Variants in KALRN observed in about 807,000 individuals in gnomAD.
KALRN encodes the protein kalirin RhoGEF kinase, also known as kalirin.
KALRN carries 70 observed loss-of-function variants against 353.7 expected under a neutral mutation model. The ratio of observed to expected loss-of-function variants is 0.20; its 90% CI spans 0.16 to 0.24. The LOEUF is 0.24. KALRN is among the 10% of genes least tolerant of loss of function. The probability of loss-of-function intolerance (pLI) is 1.00; values close to 1 mark genes in which losing one functional copy is unlikely to be tolerated. For synonymous variants in KALRN, 1,391 were observed against 1,434.8 expected, an observed-to-expected ratio of 0.97 and a Z score of 0.69; for missense variants, 2,791 against 3,756.7, an observed-to-expected ratio of 0.74 and a Z score of 6.72.
chr3:124,188,704 A>T (rs892452166), intron 1 of KALRN, among the ~76,000 whole-genome samples: 1 of 152,162 alleles, frequency 6.6e-6, no homozygotes, highest in Non-Finnish European at 1.5e-5. Context: ...AAGGTCTGAG[A>T]TTTACCCTAC....
At chr3:124,128,461 G>A (rs565089072) in intron 1 of KALRN, among the ~76,000 whole-genome samples, 20 of 152,292 alleles carry the variant, frequency 1.3e-4, no homozygotes, top group Admixed American at 3.9e-4. Context: ...AAACTTTTGG[G>A]CTGAGAATGG....
Position 124,278,226 on chromosome 3 carries a change from G to A in KALRN, c.969+8971G>A, listed in dbSNP as rs202184164. Reference sequence around the variant, plus strand: ...TCTTGATACATCGTAAGGAAAAGATGGTTTAGAGAGTCACCACTCCAGTGG... The same window carrying A: ...TCTTGATACATCGTAAGGAAAAGATAGTTTAGAGAGTCACCACTCCAGTGG... On this transcript the variant is annotated intron_variant, in intron 5 of 59. Coordinates refer to ENST00000682506, the MANE Select transcript of KALRN (RefSeq NM_001388419.1). 7.3e-5 allele frequency among the ~76,000 whole-genome samples: 11 copies of A among 151,584 alleles called. No individual in the cohort carries two copies. In the East Asian group the frequency reaches 2.2e-3, roughly 30 times the overall value.
In KALRN at chr3:124,179,873, A is replaced by C. The variant is rs1018960966; in HGVS notation, c.74-48117A>C. Among the ~76,000 whole-genome samples the C allele has an allele frequency of 5.9e-5, 9 of 152,298 alleles. No homozygotes were observed. The South Asian group carries it at 1.7e-3, about 28-fold the overall frequency. On this transcript the variant is annotated intron_variant, in intron 1 of 59. Coordinates refer to ENST00000682506, the MANE Select transcript of KALRN (RefSeq NM_001388419.1). ...TAATGTATTTTATTGTACTGTACTC[A>C]CCTAGTTTCGGACCGAGGCTGGCTG...
chr3:124,408,546 T>A (rs1425006759), intron 13 of KALRN, among the ~76,000 whole-genome samples: 1 of 152,208 alleles, frequency 6.6e-6, no homozygotes, highest in African/African-American at 2.4e-5. Context: ...CTTAACACAT[T>A]GCCTGCCCCA....
chr3:124,558,791 C>G (rs554289714), intron 33 of KALRN, among the ~76,000 whole-genome samples: 1 of 152,210 alleles, frequency 6.6e-6, no homozygotes, highest in Non-Finnish European at 1.5e-5. Context: ...ATGCCCTAAA[C>G]GAGGCTATGC....
chr3:124,278,458 G>GGTGTGTGTGTGTGTGTGT (rs55855993), intron 5 of KALRN, among the ~76,000 whole-genome samples: 24 of 145,502 alleles, frequency 1.6e-4, no homozygotes, highest in Admixed American at 7.5e-4. Flanking sequence ...GGACACTTCA[G>GGTGTGTGTGTGTGTGTGT]GTGTGTGTGT....
intron 28 of KALRN, among the ~76,000 whole-genome samples, chr3:124,484,983 C>G (rs1167146769): frequency 6.6e-6 from 1 of 152,122 alleles, no homozygotes; most frequent in Non-Finnish European, 1.5e-5. Flanking sequence ...GTAATCCCAG[C>G]TACTCAGGAG....
intron 56 of KALRN, 95 bp downstream of exon 56, chr3:124,700,128 C>A: frequency 1.6e-6 from 2 of 1,218,106 alleles, no homozygotes; most frequent in Non-Finnish European, 2.4e-6. Context: ...TGTCAGGCCA[C>A]CATGCAAGAG....
intron 32 of KALRN, among the ~76,000 whole-genome samples, chr3:124,494,787 C>T (rs1165222696): frequency 2.0e-5 from 3 of 152,142 alleles, no homozygotes; most frequent in African/African-American, 4.8e-5. Flanking sequence ...TCATTTAGAC[C>T]CTTTGAGGTG....
chr3:124,341,634 C>T (rs1355830583), intron 9 of KALRN, among the ~76,000 whole-genome samples: 2 of 151,766 alleles, frequency 1.3e-5, no homozygotes, highest in Non-Finnish European at 2.9e-5. Context: ...GATGTTCACT[C>T]CAAAGTTCTG....
chr3:124,340,617 C>G (rs950611506), intron 9 of KALRN, among the ~76,000 whole-genome samples: 1 of 152,164 alleles, frequency 6.6e-6, no homozygotes, highest in East Asian at 1.9e-4. Flanking sequence ...CAGATGCGTT[C>G]ATGGCCACTA....
intron 34 of KALRN, among the ~76,000 whole-genome samples, chr3:124,620,369 G>C (rs1328140396): frequency 6.6e-6 from 1 of 152,144 alleles, no homozygotes; most frequent in Non-Finnish European, 1.5e-5. Flanking sequence ...CTTCTAAAGT[G>C]CTGGGATTAT....
chr3:124,152,567 CTTTT>C, intron 1 of KALRN: 1 of 620,634 alleles, frequency 1.6e-6, no homozygotes, highest in Non-Finnish European at 2.8e-6. Flanking sequence ...CTTTTCTTTT[CTTTT>C]CTTTTCTTTC....
chr3:124,288,945 C>T (rs899252898), intron 5 of KALRN, among the ~76,000 whole-genome samples: 3 of 152,174 alleles, frequency 2.0e-5, no homozygotes, highest in African/African-American at 4.8e-5. Flanking sequence ...TCCATAGATA[C>T]TGTCTTAGTT....
At chr3:124,613,963 G>A (rs2078271044) in intron 34 of KALRN, among the ~76,000 whole-genome samples, 1 of 152,114 alleles carries the variant, frequency 6.6e-6, no homozygotes, top group Non-Finnish European at 1.5e-5. Context: ...AGCCAGCCTG[G>A]ATTTATGTCT....
chr3:124,470,765 C>T (rs976106221), intron 25 of KALRN, among the ~76,000 whole-genome samples: 4 of 146,710 alleles, frequency 2.7e-5, no homozygotes, highest in African/African-American at 9.7e-5. Context: ...CTAGAGTTTT[C>T]CAAGAGTGTT....
intron 1 of KALRN, among the ~76,000 whole-genome samples, chr3:124,225,350 T>C (rs1425531629): frequency 3.9e-5 from 6 of 152,196 alleles, no homozygotes; most frequent in Non-Finnish European, 8.8e-5. Flanking sequence ...AGCAAATCCT[T>C]TTATAATGTG....
rs555167548 is a variant in KALRN at position 124,173,846 on chromosome 3, C to T, written c.74-54144C>T. 7.9e-5 allele frequency among the ~76,000 whole-genome samples: 12 copies of T among 152,066 alleles called. No homozygotes were observed. In the South Asian group the frequency reaches 2.3e-3, roughly 29 times the overall value. ...GGCCGGGATGGTCTCGAGCTCCTGA[C>T]CTCGTGATCCGCCCACCTCGGCCTC... On this transcript the variant is annotated intron_variant, in intron 1 of 59. Transcript: ENST00000682506.
chr3:124,695,289 G>A (rs1180490585), intron 53 of KALRN, among the ~76,000 whole-genome samples: 1 of 152,182 alleles, frequency 6.6e-6, no homozygotes, highest in East Asian at 1.9e-4. Flanking sequence ...GCTTACAGTG[G>A]ACAAGTGGTA....
Sources: gnomAD v4.1 joint callset for allele counts (sites outside exome capture counted in the v4.1 genomes callset) on GRCh38, gnomAD v4.1.1 for gene constraint, MANE v1.5 for transcripts, NCBI Gene and HGNC (gene_info 2026-07-23, HGNC 2026-07-21) for gene names.